The following INVS variants were observed in gnomAD, a reference collection of about 807,000 sequenced individuals.
INVS encodes inversion of embryo turning homolog.
INVS carries 86 observed loss-of-function variants against 108.8 expected under a neutral mutation model. That is an observed-to-expected ratio of 0.79 (90% CI 0.66 to 0.95). The LOEUF (loss-of-function observed/expected upper bound fraction) is 0.95. INVS is among the 40% of genes least tolerant of loss of function. The pLI is 0.00. For synonymous variants in INVS, 455 were observed against 473.5 expected (o/e 0.96, Z 0.51); for missense variants, 1,169 against 1,297.4 (o/e 0.90, Z 1.52).
At chr9:100,233,773 A>G (rs1831591616) in intron 5 of INVS, among the ~76,000 whole-genome samples, 1 of 152,214 alleles carries the variant, frequency 6.6e-6, no homozygotes, top group African/African-American at 2.4e-5. Flanking sequence ...TCGGTTTACC[A>G]GTATTTTATT....
intron 3 of INVS, among the ~76,000 whole-genome samples, chr9:100,162,214 G>C (rs960125734): frequency 6.6e-6 from 1 of 152,142 alleles, no homozygotes; most frequent in Non-Finnish European, 1.5e-5. Context: ...TGGCTCTATA[G>C]TCATTTGGGT....
intron 3 of INVS, among the ~76,000 whole-genome samples, chr9:100,156,990 A>T (rs1280933708): frequency 6.6e-6 from 1 of 151,280 alleles, no homozygotes; most frequent in Non-Finnish European, 1.5e-5. Flanking sequence ...ATCATTGTTT[A>T]TAATGGCAAA....
chr9:100,243,236 G>C (rs958746305), intron 7 of INVS, among the ~76,000 whole-genome samples: 1 of 152,032 alleles, frequency 6.6e-6, no homozygotes, highest in Non-Finnish European at 1.5e-5. Flanking sequence ...GAACAATCTC[G>C]GCTAGAATCT....
chr9:100,253,189 C>G, intron 10 of INVS, 53 bp downstream of exon 10: 1 of 1,397,246 alleles, frequency 7.2e-7, no homozygotes, highest in Non-Finnish European at 1.0e-6. Context: ...TAGAGTATTT[C>G]TTCTTTGTTG....
chr9:100,209,604 A>G (rs1214751036), intron 3 of INVS, among the ~76,000 whole-genome samples: 3 of 151,974 alleles, frequency 2.0e-5, no homozygotes, highest in Non-Finnish European at 2.9e-5. Flanking sequence ...CCCTGTCTCT[A>G]CTAAAAATAC....
chr9:100,183,569 G>C (rs1829959714), intron 3 of INVS, among the ~76,000 whole-genome samples: 1 of 152,152 alleles, frequency 6.6e-6, no homozygotes, highest in Admixed American at 6.5e-5. Flanking sequence ...GAGGAGGGCA[G>C]ATCACCTGAG....
At chr9:100,299,174 C>T (rs1404746629) in intron 16 of INVS, among the ~76,000 whole-genome samples, 1 of 152,112 alleles carries the variant, frequency 6.6e-6, no homozygotes, top group African/African-American at 2.4e-5. Context: ...TATGAACAAG[C>T]AACTTACTTG....
At chr9:100,122,477 A>G (rs888247375) in intron 2 of INVS, among the ~76,000 whole-genome samples, 2 of 151,724 alleles carry the variant, frequency 1.3e-5, no homozygotes, top group African/African-American at 4.8e-5. Context: ...ATTAGATATT[A>G]ATATACTTAA....
intron 8 of INVS, among the ~76,000 whole-genome samples, chr9:100,249,588 G>A (rs1460628720): frequency 1.3e-5 from 2 of 151,698 alleles, no homozygotes; most frequent in Admixed American, 6.6e-5. Flanking sequence ...TCCACCTCCC[G>A]GGTTCAAGTG....
intron 3 of INVS, among the ~76,000 whole-genome samples, chr9:100,155,389 T>C (rs1352662506): frequency 6.6e-6 from 1 of 152,106 alleles, no homozygotes; most frequent in African/African-American, 2.4e-5. Context: ...CAGGGTGGAG[T>C]GTAGTGGTAC....
intron 7 of INVS, among the ~76,000 whole-genome samples, 154 bp downstream of exon 7, chr9:100,242,833 T>A (rs981152050): frequency 6.6e-6 from 1 of 152,176 alleles, no homozygotes; most frequent in African/African-American, 2.4e-5. Context: ...TTATTTATTT[T>A]TCCAATAAGC....
chr9:100,117,240 C>T lies in INVS; in HGVS notation c.107-9143C>T, dbSNP rs1044297258. 8 of 853,954 alleles carry T rather than the reference C, an allele frequency of 9.4e-6. No homozygotes were observed. In the African/African-American group the frequency reaches 1.1e-4, roughly 12 times the overall value. The allele number at this position is 853,954 out of a possible 1,614,324, so 52.9% of individuals were successfully genotyped here. A position where few individuals can be genotyped will look rare whatever the true frequency, so the allele number is the denominator to read the frequency against. On this transcript the variant is annotated intron_variant, in intron 2 of 16. Coordinates refer to ENST00000262457, the MANE Select transcript of INVS (RefSeq NM_014425.5). ...CCCAGACCGACGTGGCCGTTGTAGTCCCCGATAGCAACAAACGCTTTGAAC... is the reference window on the plus strand; with the variant it reads ...CCCAGACCGACGTGGCCGTTGTAGTTCCCGATAGCAACAAACGCTTTGAAC...
chr9:100,118,209 G>T (rs1227029037), intron 2 of INVS, among the ~76,000 whole-genome samples: 1 of 148,008 alleles, frequency 6.8e-6, no homozygotes, highest in Admixed American at 6.8e-5. Flanking sequence ...GCCAATTTTT[G>T]TTGTTGTTGT....
At chr9:100,137,771 C>G (rs868210459) in intron 3 of INVS, among the ~76,000 whole-genome samples, 8 of 152,132 alleles carry the variant, frequency 5.3e-5, no homozygotes, top group South Asian at 2.1e-4. Context: ...TAAATAATCT[C>G]TTTTGCAAAT....
At chr9:100,245,188 G>A (rs1487177573) in intron 7 of INVS, among the ~76,000 whole-genome samples, 4 of 152,152 alleles carry the variant, frequency 2.6e-5, no homozygotes, top group Non-Finnish European at 5.9e-5. Flanking sequence ...GAATAAAGAG[G>A]CAATTTAAAA....
intron 3 of INVS, among the ~76,000 whole-genome samples, chr9:100,209,132 C>G (rs1242108347): frequency 3.3e-5 from 5 of 151,924 alleles, no homozygotes; most frequent in African/African-American, 1.2e-4. Flanking sequence ...CATCAATATG[C>G]TAGGAAAATG....
intron 3 of INVS, among the ~76,000 whole-genome samples, chr9:100,144,893 A>G (rs1309432785): frequency 6.6e-6 from 1 of 152,064 alleles, no homozygotes; most frequent in Non-Finnish European, 1.5e-5. Flanking sequence ...TCACATTGGG[A>G]ACAGAGACTA....
chr9:100,166,647 G>C (rs978269546), intron 3 of INVS, among the ~76,000 whole-genome samples: 4 of 152,144 alleles, frequency 2.6e-5, no homozygotes, highest in African/African-American at 9.7e-5. Flanking sequence ...ACAAAGTCCT[G>C]TTCACCTGTA....
At chr9:100,240,286 A>G (rs1831825566) in intron 6 of INVS, 46 bp downstream of exon 6, 3 of 1,460,036 alleles carry the variant, frequency 2.1e-6, no homozygotes, top group South Asian at 2.3e-5. Context: ...TCATGAGTAT[A>G]GGAATATTTC....
Sources: allele counts gnomAD v4.1 joint callset (sites outside exome capture counted in the v4.1 genomes callset), GRCh38; gene constraint gnomAD v4.1.1; transcripts MANE v1.5; gene names NCBI Gene and HGNC (gene_info 2026-07-23, HGNC 2026-07-21).